STX8: variants seen among roughly 807,000 people sequenced by gnomAD.
STX8 encodes the protein syntaxin-8.
Under a neutral mutation model 37.5 loss-of-function variants are expected in STX8, and 23 were observed. The observed-to-expected ratio is 0.61, with a 90% CI of 0.44 to 0.87. The LOEUF is 0.87. Ranked by LOEUF, STX8 falls within the 40% of genes least tolerant of loss-of-function variation. The probability of loss-of-function intolerance (pLI) is 0.00; values close to 1 mark genes in which losing one functional copy is unlikely to be tolerated. For synonymous variants in STX8, 115 were observed against 99.1 expected (o/e 1.16, Z -0.95); for missense variants, 313 against 284.7 (o/e 1.10, Z -0.71).
At chr17:9,420,470 G>A (rs561670289) in intron 6 of STX8, among the ~76,000 whole-genome samples, 6 of 152,020 alleles carry the variant, frequency 3.9e-5, no homozygotes, top group East Asian at 3.9e-4. Flanking sequence ...GAGGACCCTC[G>A]CCTATCTGCT....
At chr17:9,309,214 A>G (rs543687649) in intron 7 of STX8, among the ~76,000 whole-genome samples, 111 of 152,270 alleles carry the variant, frequency 7.3e-4, no homozygotes, top group African/African-American at 2.4e-3. Context: ...ACCCATTTAT[A>G]TTGTAACGGA....
chr17:9,311,210 C>A (rs973037455), intron 7 of STX8, among the ~76,000 whole-genome samples: 5 of 148,196 alleles, frequency 3.4e-5, no homozygotes, highest in Admixed American at 6.8e-5. Context: ...GCACTCCAGC[C>A]TGGTAGACAG....
chr17:9,296,742 C>T (rs896027546), intron 7 of STX8, among the ~76,000 whole-genome samples: 2 of 151,600 alleles, frequency 1.3e-5, no homozygotes, highest in Non-Finnish European at 2.9e-5. Flanking sequence ...TTGTAGTAAC[C>T]GCTTGCCATG....
chr17:9,405,253 G>C (rs1250132513), intron 6 of STX8, among the ~76,000 whole-genome samples: 1 of 152,158 alleles, frequency 6.6e-6, no homozygotes, highest in Non-Finnish European at 1.5e-5. Context: ...GAGACTTAAA[G>C]GTCCTTGTGA....
chr17:9,440,986 G>T (rs759803948), intron 6 of STX8, among the ~76,000 whole-genome samples: 18 of 152,048 alleles, frequency 1.2e-4, no homozygotes, highest in Non-Finnish European at 2.5e-4. Flanking sequence ...TCCATCTCCA[G>T]CTCCCAGGGG....
intron 7 of STX8, among the ~76,000 whole-genome samples, chr17:9,299,506 C>T (rs1398114994): frequency 7.6e-5 from 11 of 145,194 alleles, no homozygotes; most frequent in Admixed American, 5.7e-4. Flanking sequence ...TGCAGTGGCG[C>T]GATCTGGGCT....
chr17:9,465,172 C>T (rs1376374767), intron 6 of STX8, among the ~76,000 whole-genome samples: 1 of 151,640 alleles, frequency 6.6e-6, no homozygotes, highest in East Asian at 1.9e-4. Flanking sequence ...CAGTAATAGG[C>T]AGAGGATTAT....
chr17:9,526,294 T>C (rs1339340631), intron 4 of STX8, among the ~76,000 whole-genome samples: 2 of 152,124 alleles, frequency 1.3e-5, no homozygotes, highest in Non-Finnish European at 2.9e-5. Flanking sequence ...TCCTCATTTG[T>C]AAACCAAAAA....
At chr17:9,491,197 C>T (rs1906837803) in intron 6 of STX8, among the ~76,000 whole-genome samples, 1 of 152,156 alleles carries the variant, frequency 6.6e-6, no homozygotes. Flanking sequence ...CCAGTGTCTG[C>T]TCTCAAGTTT....
At chr17:9,421,498 A>G (rs1214663643) in intron 6 of STX8, among the ~76,000 whole-genome samples, 3 of 150,456 alleles carry the variant, frequency 2.0e-5, no homozygotes, top group Non-Finnish European at 4.4e-5. Flanking sequence ...ACAATGTAGC[A>G]GAATACAGCC....
chr17:9,393,614 C>G (rs1180799108), intron 6 of STX8, among the ~76,000 whole-genome samples: 1 of 152,074 alleles, frequency 6.6e-6, no homozygotes, highest in Non-Finnish European at 1.5e-5. Context: ...GATACTGATT[C>G]TAAGTAGACT....
intron 6 of STX8, among the ~76,000 whole-genome samples, chr17:9,387,213 G>C (rs902176939): frequency 6.6e-6 from 1 of 152,164 alleles, no homozygotes; most frequent in African/African-American, 2.4e-5. Context: ...CGTGATGGGA[G>C]GACTTGGACA....
intron 6 of STX8, among the ~76,000 whole-genome samples, chr17:9,448,165 A>T (rs1186608030): frequency 1.1e-5 from 1 of 93,448 alleles, no homozygotes; most frequent in East Asian, 3.1e-4. Flanking sequence ...ACAGAATGAG[A>T]CTCCATCTCA....
intron 7 of STX8, among the ~76,000 whole-genome samples, chr17:9,304,206 C>T (rs555468838): frequency 5.9e-4 from 90 of 152,048 alleles, no homozygotes; most frequent in Middle Eastern, 3.4e-3. Context: ...CTATTTCACT[C>T]ATAAGAAAAA....
intron 6 of STX8, among the ~76,000 whole-genome samples, chr17:9,422,162 T>C (rs1913457474): frequency 6.6e-6 from 1 of 150,994 alleles, no homozygotes; most frequent in Non-Finnish European, 1.5e-5. Flanking sequence ...TGGAGTGCAA[T>C]GGCGCGATCT....
At chr17:9,418,394 C>A (rs1378753525) in intron 6 of STX8, among the ~76,000 whole-genome samples, 1 of 151,836 alleles carries the variant, frequency 6.6e-6, no homozygotes, top group African/African-American at 2.4e-5. Context: ...GATACATCCC[C>A]ATTAGGAGAT....
intron 5 of STX8, among the ~76,000 whole-genome samples, chr17:9,494,140 C>T (rs1285825902): frequency 6.6e-6 from 1 of 151,556 alleles, no homozygotes; most frequent in Admixed American, 6.6e-5. Context: ...CTCAGCCTCC[C>T]GAGTAGCTGG....
intron 6 of STX8, among the ~76,000 whole-genome samples, chr17:9,379,838 C>T (rs776298147): frequency 1.3e-5 from 2 of 151,874 alleles, no homozygotes; most frequent in Non-Finnish European, 2.9e-5. Context: ...CATGGTGGCG[C>T]ATGCCTGTAA....
At chr17:9,430,166 T>TAATTTATATATAAATAAA (rs1913904183) in intron 6 of STX8, among the ~76,000 whole-genome samples, 1 of 78,314 alleles carries the variant, frequency 1.3e-5, no homozygotes, top group Non-Finnish European at 2.9e-5. Context: ...ATATAAAATA[T>TAATTTATATATAAATAAA]ATATAATTTA....
Sources: allele counts gnomAD v4.1 joint callset (sites outside exome capture counted in the v4.1 genomes callset), GRCh38; gene constraint gnomAD v4.1.1; transcripts MANE v1.5; gene names NCBI Gene and HGNC (gene_info 2026-07-23, HGNC 2026-07-21).